PACRG: variants seen among roughly 807,000 people sequenced by gnomAD.
PACRG encodes parkin coregulated gene protein.
Under a neutral mutation model 29.7 loss-of-function variants are expected in PACRG, and 29 were observed. The ratio of observed to expected loss-of-function variants is 0.98; its 90% CI spans 0.73 to 1.33. PACRG has a LOEUF of 1.33. PACRG is among the 40% of genes most tolerant of loss of function. PACRG has a pLI of 0.00. For synonymous variants in PACRG, 116 were observed against 118.7 expected (o/e 0.98, Z 0.15); for missense variants, 279 against 316.2 (o/e 0.88, Z 0.89).
chr6:162,954,148 A>T (rs1311664335), intron 2 of PACRG, among the ~76,000 whole-genome samples: 1 of 152,216 alleles, frequency 6.6e-6, no homozygotes, highest in Non-Finnish European at 1.5e-5. Flanking sequence ...TGTATGTTAG[A>T]GTATCATCTA....
At chr6:163,070,190 A>G (rs1430621593) in intron 3 of PACRG, among the ~76,000 whole-genome samples, 1 of 152,156 alleles carries the variant, frequency 6.6e-6, no homozygotes, top group Non-Finnish European at 1.5e-5. Context: ...AAAGAAGAGG[A>G]TATTAATGAG....
At chr6:162,802,476 C>T (rs755003159) in intron 1 of PACRG, among the ~76,000 whole-genome samples, 4 of 152,124 alleles carry the variant, frequency 2.6e-5, no homozygotes, top group African/African-American at 4.8e-5. Flanking sequence ...AAATCCACTG[C>T]GGTTCCATAA....
intron 2 of PACRG, among the ~76,000 whole-genome samples, chr6:162,968,933 G>A (rs1239858877): frequency 6.6e-6 from 1 of 151,600 alleles, no homozygotes; most frequent in East Asian, 1.9e-4. Flanking sequence ...TGTAATCCCA[G>A]CTACTCAGGA....
chr6:163,206,259 C>T (rs888945694), intron 4 of PACRG, among the ~76,000 whole-genome samples: 10 of 152,052 alleles, frequency 6.6e-5, no homozygotes, highest in Non-Finnish European at 1.2e-4. Context: ...GACACGTGCA[C>T]GTGTATATTC....
intron 1 of PACRG, among the ~76,000 whole-genome samples, chr6:162,771,774 T>G (rs931615407): frequency 1.3e-5 from 2 of 152,210 alleles, no homozygotes; most frequent in African/African-American, 4.8e-5. Context: ...TTTTGATAGC[T>G]ATATACATCT....
At chr6:163,048,737 G>A (rs912622974) in intron 2 of PACRG, among the ~76,000 whole-genome samples, 6 of 152,032 alleles carry the variant, frequency 3.9e-5, no homozygotes, top group African/African-American at 7.3e-5. Context: ...TCTCTTGATC[G>A]CTGGGTGATT....
At chr6:163,113,244 G>C (rs958892528) in intron 4 of PACRG, among the ~76,000 whole-genome samples, 8 of 152,170 alleles carry the variant, frequency 5.3e-5, no homozygotes, top group African/African-American at 1.9e-4. Context: ...TGGACAAAGA[G>C]TGAGGGACCT....
intron 2 of PACRG, among the ~76,000 whole-genome samples, chr6:162,998,084 G>A (rs1375013372): frequency 6.6e-6 from 1 of 152,192 alleles, no homozygotes; most frequent in Non-Finnish European, 1.5e-5. Context: ...AAGATGAAAT[G>A]GGTTAATATA....
Position 163,066,314 on chromosome 6 carries a change from C to A in PACRG, c.463+3993C>A, listed in dbSNP as rs1255666228. On this transcript the variant is annotated intron_variant, in intron 3 of 4. Coordinates refer to ENST00000366888, the MANE Select transcript of PACRG (RefSeq NM_001080379.2). ...ATCTTGGGCGTGATTTTACCCCGGT[C>A]ATGTGAAGAAAAACACTGTGGACGC... Among the ~76,000 whole-genome samples, 4 of 152,164 alleles carry A rather than the reference C, an allele frequency of 2.6e-5. No homozygotes were observed. In the East Asian group the frequency reaches 7.7e-4, roughly 29 times the overall value.
intron 4 of PACRG, chr6:163,245,066 A>C (rs1026005031): frequency 9.2e-5 from 42 of 455,034 alleles, no homozygotes; most frequent in Non-Finnish European, 1.8e-5. Context: ...ATTTTAAGTC[A>C]GTTTATGCTT....
At chr6:163,208,266 A>ATTTTCTTTTC (rs5881513) in intron 4 of PACRG, among the ~76,000 whole-genome samples, 2 of 151,178 alleles carry the variant, frequency 1.3e-5, no homozygotes, top group Admixed American at 6.6e-5. Flanking sequence ...TATATTGGAG[A>ATTTTCTTTTC]TTTTCTTTTC....
intron 2 of PACRG, among the ~76,000 whole-genome samples, chr6:163,030,429 G>A (rs1807551929): frequency 6.6e-6 from 1 of 152,160 alleles, no homozygotes; most frequent in Admixed American, 6.5e-5. Flanking sequence ...GTGATTTCAA[G>A]TTGGAGGCTT....
chr6:162,922,601 CA>C (rs1370341570), intron 2 of PACRG, among the ~76,000 whole-genome samples: 1 of 151,944 alleles, frequency 6.6e-6, no homozygotes, highest in Admixed American at 6.6e-5. Context: ...CTAGTCACCA[CA>C]ATTCCACTCT....
intron 3 of PACRG, 128 bp downstream of exon 3, chr6:163,062,449 CT>C: frequency 9.1e-7 from 1 of 1,098,874 alleles, no homozygotes; most frequent in Non-Finnish European, 1.3e-6. Context: ...CATAAATTGA[CT>C]TAGGAGGCCA....
chr6:163,142,122 T>C (rs1231807445), intron 4 of PACRG, among the ~76,000 whole-genome samples: 2 of 152,124 alleles, frequency 1.3e-5, no homozygotes, highest in Non-Finnish European at 2.9e-5. Flanking sequence ...GCTAAAGCAC[T>C]GGATGAAAAT....
chr6:163,257,720 T>C (rs183713633), intron 4 of PACRG, among the ~76,000 whole-genome samples: 155 of 152,356 alleles, frequency 1.0e-3, no homozygotes, highest in Non-Finnish European at 1.9e-4. Flanking sequence ...TGTCAACTTA[T>C]TCAAGTCTTT....
chr6:163,037,653 A>G (rs59738972), intron 2 of PACRG, among the ~76,000 whole-genome samples: 4,652 of 152,304 alleles, frequency 0.031, 160 homozygotes, highest in African/African-American at 0.081. Flanking sequence ...GCAGGGAACA[A>G]CTATCCTCTC....
intron 2 of PACRG, chr6:163,044,681 G>A (rs890928097): frequency 6.6e-6 from 1 of 152,176 alleles, no homozygotes; most frequent in Non-Finnish European, 1.5e-5. Flanking sequence ...AAATACTCTA[G>A]TCCCGCGGGC....
chr6:163,140,053 CT>C (rs1817091201), intron 4 of PACRG, among the ~76,000 whole-genome samples: 5 of 152,324 alleles, frequency 3.3e-5, no homozygotes, highest in Admixed American at 3.3e-4. Flanking sequence ...CCAGGCTGGT[CT>C]CTCCCCTTGA....
Sources: allele counts gnomAD v4.1 joint callset (sites outside exome capture counted in the v4.1 genomes callset), GRCh38; gene constraint gnomAD v4.1.1; transcripts MANE v1.5; gene names NCBI Gene and HGNC (gene_info 2026-07-23, HGNC 2026-07-21).